The following MAPK8IP1 variants were observed in gnomAD, a reference collection of about 807,000 sequenced individuals.
MAPK8IP1 encodes the protein mitogen-activated protein kinase 8 interacting protein 1.
Under a neutral mutation model 72.6 loss-of-function variants are expected in MAPK8IP1, and 17 were observed. That is an observed-to-expected ratio of 0.23 (90% CI 0.16 to 0.35). The LOEUF is 0.35. Ranked by LOEUF, MAPK8IP1 falls within the 10% of genes least tolerant of loss-of-function variation. MAPK8IP1 has a pLI of 1.00. For synonymous variants in MAPK8IP1, 401 were observed against 443.4 expected (o/e 0.90, Z 1.20); for missense variants, 789 against 1,009.7 (o/e 0.78, Z 2.96).
In MAPK8IP1 at chr11:45,902,946, G is replaced by C; in HGVS notation, c.1179G>C (p.Leu393=). Residue 393 remains leucine, a synonymous_variant, in exon 5 of 12, where the codon CTG becomes CTC. Transcript: ENST00000241014. The surrounding 1 kb of genome is among the most constrained non-coding windows in gnomAD (Gnocchi z 9.3). ...LVVDEHAQLE[L]VSLRPCFGDY... ...TAGATGAGCATGCACAGCTGGAGCT[G>C]GTGAGCCTGCGGCCGTGCTTCGGAG... is the stretch of plus-strand genomic sequence containing the variant. 5 of 1,611,956 alleles carry C rather than the reference G, an allele frequency of 3.1e-6. No homozygotes were observed. Among genetic ancestry groups the C allele is most frequent in the Non-Finnish European group, 4.2e-6 (5 of 1,179,772 alleles).
intron 1 of MAPK8IP1, among the ~76,000 whole-genome samples, chr11:45,892,181 G>C (rs1354704263): frequency 6.6e-6 from 1 of 152,200 alleles, no homozygotes; most frequent in Non-Finnish European, 1.5e-5. Flanking sequence ...AGAGCCAGGT[G>C]GTGGGGGTAG....
At chr11:45,893,848 T>C (rs1443111019) in intron 1 of MAPK8IP1, among the ~76,000 whole-genome samples, 1 of 151,824 alleles carries the variant, frequency 6.6e-6, no homozygotes, top group Admixed American at 6.6e-5. Context: ...TGACCTTCCA[T>C]GAGCCTTCAG....
In MAPK8IP1 at chr11:45,904,112, TCCTG is replaced by T. The variant is rs2086682343; in HGVS notation, c.1621_1624del (p.Ala541IlefsTer28). The T allele has an allele frequency of 6.2e-7, 1 of 1,613,934 alleles. No homozygotes were observed. Among genetic ancestry groups the T allele is most frequent in the African/African-American group, 1.3e-5 (1 of 74,892 alleles). The stretch of plus-strand genomic sequence containing the variant: ...TGCGCACTGGTGCCCGGGGTGTCTT[TCCTG>T]CCTATTACGCCATCGAGGTCACCAA... On this transcript the variant is annotated frameshift_variant, in exon 7 of 12. Transcript: ENST00000241014. LOFTEE classifies it high-confidence loss of function. This position sits in a 1 kb window ranked among gnomAD's most constrained non-coding sequence, Gnocchi z 6.4.
chr11:45,900,526 C>T lies in MAPK8IP1; in HGVS notation c.522+74C>T. The T allele has an allele frequency of 2.0e-6, 3 of 1,486,212 alleles. No individual in the cohort carries two copies. The highest frequency in any genetic ancestry group is 2.3e-4 in the Middle Eastern group (1 of 4,436). The allele number at this position is 1,486,212 out of a possible 1,614,324, so 92.1% of individuals were successfully genotyped here. A position where few individuals can be genotyped will look rare whatever the true frequency, so the allele number is the denominator to read the frequency against. On this transcript the variant is annotated intron_variant, in intron 3 of 11. Coordinates refer to ENST00000241014, the MANE Select transcript of MAPK8IP1 (RefSeq NM_005456.4). The surrounding 1 kb of genome is among the most constrained non-coding windows in gnomAD (Gnocchi z 6.5). Reference sequence around the variant, plus strand: ...GAGGGGGAGCGCAGAGGGGCTGCAGCGGGAAGGGGCACCCACGGGTCCAGT... The same window carrying T: ...GAGGGGGAGCGCAGAGGGGCTGCAGTGGGAAGGGGCACCCACGGGTCCAGT...
chr11:45,888,459 A>G (rs755939313), intron 1 of MAPK8IP1, among the ~76,000 whole-genome samples: 162 of 152,338 alleles, frequency 1.1e-3, no homozygotes, highest in Non-Finnish European at 1.1e-3. Flanking sequence ...AGAGCTTGTA[A>G]GTGGCAGGCA....
intron 1 of MAPK8IP1, chr11:45,896,790 G>A (rs1396491486): frequency 4.6e-6 from 7 of 1,536,850 alleles, no homozygotes; most frequent in Non-Finnish European, 3.5e-6. Context: ...GAGGCCCCCA[G>A]CCCTGCCTTG....
rs1027180152 is a variant in MAPK8IP1 at position 45,902,590 on chromosome 11, C to T, written c.823C>T (p.Leu275=). ...DRIHYQADVR[L]EATEEIYLTP... ...AATCCACTACCAGGCCGATGTGCGACTAGAGGCCACTGAGGAGATCTACCT... is the reference window on the plus strand; with the variant it reads ...AATCCACTACCAGGCCGATGTGCGATTAGAGGCCACTGAGGAGATCTACCT... Residue 275 remains leucine, a synonymous_variant, in exon 5 of 12, where the codon CTA becomes TTA. Transcript: ENST00000241014. The surrounding 1 kb of genome is among the most constrained non-coding windows in gnomAD (Gnocchi z 9.3). 1 of 1,612,756 alleles carries T rather than the reference C, an allele frequency of 6.2e-7. No individual in the cohort carries two copies. The highest frequency in any genetic ancestry group is 8.5e-7 in the Non-Finnish European group (1 of 1,179,906).
chr11:45,888,475 A>C (rs1590781047), intron 1 of MAPK8IP1, among the ~76,000 whole-genome samples: 3 of 152,310 alleles, frequency 2.0e-5, no homozygotes, highest in African/African-American at 7.2e-5. Context: ...AGGCAGTCTG[A>C]TGTCAGAGCC....
intron 1 of MAPK8IP1, among the ~76,000 whole-genome samples, chr11:45,891,375 A>G (rs542730440): frequency 6.6e-6 from 1 of 152,206 alleles, no homozygotes; most frequent in African/African-American, 2.4e-5. Flanking sequence ...TGGAGAGCTC[A>G]TGGCTCCTGC....
In MAPK8IP1 at chr11:45,902,479, C is replaced by T. The variant is rs763349900; in HGVS notation, c.712C>T (p.Arg238Cys). The change falls in exon 5 of 12, where the codon CGC becomes TGC. Residue 238 changes from arginine to cysteine, a missense_variant. Coordinates refer to ENST00000241014, the MANE Select transcript of MAPK8IP1 (RefSeq NM_005456.4). The surrounding 1 kb of genome is among the most constrained non-coding windows in gnomAD (Gnocchi z 9.3). Reference sequence around the variant, plus strand: ...AGGCACCTCCACCGACAGCCCTTGCCGCCGCAGCACAGCCACCCAGATGGC... The same window carrying T: ...AGGCACCTCCACCGACAGCCCTTGCTGCCGCAGCACAGCCACCCAGATGGC... The part of the protein sequence containing the change: ...DRGTSTDSPC[R>C]RSTATQMAPP... 34 of 1,604,460 alleles carry T rather than the reference C, an allele frequency of 2.1e-5. No individual in the cohort carries two copies. Among genetic ancestry groups the T allele is most frequent in the East Asian group, 1.1e-4 (5 of 44,456 alleles).
chr11:45,885,868 G>T lies in MAPK8IP1; in HGVS notation c.48G>T (p.Pro16=). 6.9e-7 allele frequency: 1 copy of T among 1,456,990 alleles called. No homozygotes were observed. Among genetic ancestry groups the T allele is most frequent in the East Asian group, 3.0e-5 (1 of 33,252 alleles). 90.3% of individuals were successfully genotyped at this position (1,456,990 alleles called of 1,614,324 possible). The change falls in exon 1 of 12, where the codon CCG becomes CCT. Residue 16 remains proline (P), a synonymous_variant. Transcript: ENST00000241014. ...SGGLGGGAAS[P]PAASPFLGLH... is the part of the protein sequence containing the mutation. ...GCCTGGGAGGGGGGGCCGCGTCCCC[G>T]CCCGCCGCCTCCCCGTTCCTGGGGC... is the stretch of plus-strand genomic sequence containing the variant.
Position 45,905,737 on chromosome 11 carries a change from C to T in MAPK8IP1, c.*16C>T. 2 of 1,611,480 alleles carry T rather than the reference C, an allele frequency of 1.2e-6. No homozygotes were observed. The highest frequency in any genetic ancestry group is 1.7e-6 in the Non-Finnish European group (2 of 1,178,604). On this transcript the variant is annotated 3_prime_UTR_variant, in exon 12 of 12. Transcript: ENST00000241014. ...CCTGGAGTAGCTGTGCAGCCCCGCC[C>T]TCTGCGTCCCCCAGCCCTCAGGCCA...
At position 45,905,207 on chromosome 11, in the gene MAPK8IP1, T is replaced by G; in HGVS notation, c.2021T>G (p.Phe674Cys). 1 of 1,612,984 alleles carries G rather than the reference T, an allele frequency of 6.2e-7. No individual in the cohort carries two copies. Among genetic ancestry groups the G allele is most frequent in the Non-Finnish European group, 8.5e-7 (1 of 1,180,010 alleles). The change falls in exon 11 of 12, where the codon TTT (phenylalanine) becomes TGT (cysteine). Residue 674 changes from phenylalanine to cysteine, a missense_variant. Phe to Cys is a radical substitution (Grantham distance 205). Around this residue, in one of 4 missense-constraint regions of MAPK8IP1, gnomAD observed 188 missense variants for 293.3 expected, o/e 0.64. Transcript: ENST00000241014. ...PADHRFACHV[F>C]VSEDSTKALA... Reference sequence around the variant, plus strand: ...GACCACCGGTTTGCCTGCCACGTCTTTGTGTCTGAAGACTCCACCAAAGCC... The same window carrying G: ...GACCACCGGTTTGCCTGCCACGTCTGTGTGTCTGAAGACTCCACCAAAGCC...
chr11:45,889,361 G>A (rs2086549658), intron 1 of MAPK8IP1, among the ~76,000 whole-genome samples: 1 of 152,174 alleles, frequency 6.6e-6, no homozygotes, highest in South Asian at 2.1e-4. Context: ...CTGCTCACCT[G>A]TATTTGACTT....
chr11:45,886,838 G>A (rs945890107), intron 1 of MAPK8IP1, among the ~76,000 whole-genome samples: 2 of 152,088 alleles, frequency 1.3e-5, no homozygotes, highest in Admixed American at 6.6e-5. Flanking sequence ...GAGAACTGGC[G>A]CCTTCCCCTC....
Position 45,905,939 on chromosome 11 carries a change from G to A in MAPK8IP1, c.*218G>A. 1.7e-6 allele frequency: 1 copy of A among 603,058 alleles called. No individual in the cohort carries two copies. The highest frequency in any genetic ancestry group is 3.0e-6 in the Non-Finnish European group (1 of 336,258). 37.4% of individuals were successfully genotyped at this position (603,058 alleles called of 1,614,324 possible). Reference sequence around the variant, plus strand: ...GGATTAGATTCATCTATGGAGGGCAGAGTGGGCTGCCTGGGGATTGGGAGG... The same window carrying A: ...GGATTAGATTCATCTATGGAGGGCAAAGTGGGCTGCCTGGGGATTGGGAGG... On this transcript the variant is annotated 3_prime_UTR_variant, in exon 12 of 12. Coordinates refer to ENST00000241014, the MANE Select transcript of MAPK8IP1 (RefSeq NM_005456.4).
intron 10 of MAPK8IP1, 36 bp downstream of exon 10, chr11:45,905,077 G>C (rs775226813): frequency 8.7e-6 from 14 of 1,613,202 alleles, no homozygotes; most frequent in Non-Finnish European, 1.2e-5. Flanking sequence ...AGGAGGCACG[G>C]GTGGTCTGCA....
In MAPK8IP1 at chr11:45,902,984, A is replaced by T. The variant is rs2086669274; in HGVS notation, c.1217A>T (p.Glu406Val). 1 of 1,611,824 alleles carries T rather than the reference A, an allele frequency of 6.2e-7. No homozygotes were observed. Among genetic ancestry groups the T allele is most frequent in the African/African-American group, 1.3e-5 (1 of 74,874 alleles). Residue 406 changes from glutamate (E) to valine (V), a missense_variant, in exon 5 of 12, where the codon GAG (glutamate) becomes GTG (valine). Around this residue, in one of 4 missense-constraint regions of MAPK8IP1, gnomAD observed 377 missense variants for 411.7 expected, o/e 0.92. Coordinates refer to ENST00000241014, the MANE Select transcript of MAPK8IP1 (RefSeq NM_005456.4). This position sits in a 1 kb window ranked among gnomAD's most constrained non-coding sequence, Gnocchi z 9.3. ...LRPCFGDYSD[E>V]SDSATVYDNC... is the part of the protein sequence containing the mutation. ...CCGTGCTTCGGAGACTACAGTGACG[A>T]GAGTGACTCTGCCACCGTCTATGAC...
In MAPK8IP1 at chr11:45,902,729, C is replaced by T. The variant is rs576266040; in HGVS notation, c.962C>T (p.Thr321Met). ...CCAGACCCTGCCGCCTACCCCTCCA[C>T]GGCAGGGCGGCCGCACCCCTCCATC... ...SDPDPAAYPS[T>M]AGRPHPSISE... is the part of the protein sequence containing the mutation. Residue 321 changes from threonine to methionine, a missense_variant, in exon 5 of 12, where the codon ACG becomes ATG. Coordinates refer to ENST00000241014, the MANE Select transcript of MAPK8IP1 (RefSeq NM_005456.4). The surrounding 1 kb of genome is among the most constrained non-coding windows in gnomAD (Gnocchi z 9.3). 43 of 1,606,358 alleles carry T rather than the reference C, an allele frequency of 2.7e-5. No individual in the cohort carries two copies. Among genetic ancestry groups the T allele is most frequent in the Non-Finnish European group, 3.1e-5 (36 of 1,179,118 alleles).
Sources: allele counts gnomAD v4.1 joint callset (sites outside exome capture counted in the v4.1 genomes callset), GRCh38; gene constraint gnomAD v4.1.1; regional missense constraint gnomAD v4.1.1; non-coding constraint Gnocchi (gnomAD v3.1); transcripts MANE v1.5; gene names NCBI Gene and HGNC (gene_info 2026-07-23, HGNC 2026-07-21).